The following ESD variants were observed in gnomAD, a reference collection of about 807,000 sequenced individuals.
ESD encodes the protein esterase D, also known as S-formylglutathione hydrolase.
In ESD, 34 loss-of-function variants were observed where a neutral mutation model predicts 38.1. The observed-to-expected ratio is 0.89, with a 90% CI of 0.68 to 1.19. The LOEUF is 1.19. ESD is among the 50% of genes most tolerant of loss of function. The pLI is 0.00. For missense variants in ESD, 334 were observed against 327.2 expected, an observed-to-expected ratio of 1.02 and a Z score of -0.16; for synonymous variants, 97 against 107.0, an observed-to-expected ratio of 0.91 and a Z score of 0.58.
intron 6 of ESD, among the ~76,000 whole-genome samples, chr13:46,781,870 C>T (rs935664670): frequency 6.6e-6 from 1 of 151,724 alleles, no homozygotes; most frequent in Admixed American, 6.6e-5. Flanking sequence ...CTTTAAAATG[C>T]TTTTAAGTTT....
chr13:46,775,063 A>C (rs867535542), intron 9 of ESD, among the ~76,000 whole-genome samples: 9 of 152,156 alleles, frequency 5.9e-5, no homozygotes, highest in Middle Eastern at 3.4e-3. Context: ...TAGGTCACTA[A>C]ATTTTTTTTT....
At chr13:46,774,334 T>C (rs1392625964) in intron 9 of ESD, among the ~76,000 whole-genome samples, 1 of 152,142 alleles carries the variant, frequency 6.6e-6, no homozygotes, top group Non-Finnish European at 1.5e-5. Flanking sequence ...AAAAAGGCAA[T>C]AGAATACATT....
chr13:46,775,361 G>T, intron 9 of ESD: 1 of 192,554 alleles, frequency 5.2e-6, no homozygotes, highest in South Asian at 9.0e-5. Context: ...GTAAAAGAAT[G>T]AAGTTGAGTA....
At position 46,781,610 on chromosome 13, in the gene ESD, G is replaced by C; in HGVS notation, c.387C>G (p.Pro129=). 1.9e-6 allele frequency: 3 copies of C among 1,606,428 alleles called. No individual in the cohort carries two copies. Among genetic ancestry groups the C allele is most frequent in the Non-Finnish European group, 2.6e-6 (3 of 1,175,040 alleles). ...RMYSYVTEEL[P]QLINANFPVD... is the part of the protein sequence containing the mutation. ...CTGGAAAATTGGCATTTATGAGTTG[G>C]GGAAGCTAGAAAAAATTTAATAGTG... The change falls in exon 7 of 10, where the codon CCC becomes CCG. Residue 129 remains proline (P), a synonymous_variant. Coordinates refer to ENST00000378720, the MANE Select transcript of ESD (RefSeq NM_001984.2).
At chr13:46,776,391 T>A (rs536183102) in intron 9 of ESD, 1 of 152,288 alleles carries the variant, frequency 6.6e-6, no homozygotes, top group Non-Finnish European at 1.5e-5. Context: ...CTAGCTCTAA[T>A]TCCATTCCTT....
intron 8 of ESD, among the ~76,000 whole-genome samples, chr13:46,777,835 T>A (rs1874859148): frequency 6.6e-6 from 1 of 151,846 alleles, no homozygotes; most frequent in Non-Finnish European, 1.5e-5. Context: ...CTTCCCTACT[T>A]TCAAGCAGTC....
At chr13:46,796,388 T>C (rs1237481522) in intron 1 of ESD, among the ~76,000 whole-genome samples, 1 of 152,130 alleles carries the variant, frequency 6.6e-6, no homozygotes, top group African/African-American at 2.4e-5. Flanking sequence ...ATTAAATGAG[T>C]TAATTCACGT....
intron 1 of ESD, among the ~76,000 whole-genome samples, chr13:46,794,496 AT>A (rs34614621): frequency 0.12 from 17,552 of 148,724 alleles, 1,354 homozygotes; most frequent in East Asian, 0.4. Flanking sequence ...ACACTGGAAT[AT>A]TTTTTTTTTT....
At chr13:46,774,686 T>C (rs1390217772) in intron 9 of ESD, among the ~76,000 whole-genome samples, 2 of 152,214 alleles carry the variant, frequency 1.3e-5, no homozygotes, top group Non-Finnish European at 2.9e-5. Context: ...TGGATGTTTA[T>C]CCTAACAGGC....
chr13:46,796,868 C>T (rs958176335), intron 1 of ESD, among the ~76,000 whole-genome samples: 1 of 152,266 alleles, frequency 6.6e-6, no homozygotes, highest in African/African-American at 2.4e-5. Context: ...CCGGGTTACA[C>T]TAGGTTGGAG....
chr13:46,784,815 A>G (rs1030717170), intron 4 of ESD, among the ~76,000 whole-genome samples: 3 of 152,098 alleles, frequency 2.0e-5, no homozygotes, highest in East Asian at 1.9e-4. Context: ...AATCACTACT[A>G]AAGTTTCAAT....
chr13:46,795,615 G>C (rs528817082), intron 1 of ESD, among the ~76,000 whole-genome samples: 216 of 152,190 alleles, frequency 1.4e-3, no homozygotes, highest in Non-Finnish European at 2.5e-3. Context: ...CATGTTAATT[G>C]TACAATTTTC....
At chr13:46,794,157 C>CAAAA (rs59985081) in intron 1 of ESD, among the ~76,000 whole-genome samples, 19 of 146,330 alleles carry the variant, frequency 1.3e-4, no homozygotes, top group East Asian at 2.2e-4. Context: ...CCTTCCCCTC[C>CAAAA]AAAAAACAAC....
chr13:46,785,823 T>G (rs1050619382), intron 4 of ESD: 2 of 151,984 alleles, frequency 1.3e-5, no homozygotes, highest in Non-Finnish European at 2.9e-5. Flanking sequence ...GCCCTATTAT[T>G]AGAGTACCTA....
In ESD at chr13:46,781,534, C is replaced by T; in HGVS notation, c.463G>A (p.Ala155Thr). ...GGATTTTTCAAAGCACAGATCAGAG[C>T]TCCATGACCTCCCATGGAGTGGCCA... is the stretch of plus-strand genomic sequence containing the variant. ...IFGHSMGGHG[A>T]LICALKNPGK... The change falls in exon 7 of 10, where the codon GCT becomes ACT. Residue 155 changes from alanine (A) to threonine (T), a missense_variant. Physicochemically the swap from Ala to Thr is moderately conservative, Grantham distance 58 (BLOSUM62 0). Coordinates refer to ENST00000378720, the MANE Select transcript of ESD (RefSeq NM_001984.2). The T allele has an allele frequency of 1.2e-6, 2 of 1,608,556 alleles. No individual in the cohort carries two copies. Among genetic ancestry groups the T allele is most frequent in the South Asian group, 2.2e-5 (2 of 90,730 alleles).
intron 4 of ESD, 82 bp from the exon 5 acceptor site, chr13:46,784,432 G>T: frequency 1.1e-6 from 1 of 908,058 alleles, no homozygotes; most frequent in Admixed American, 2.1e-5. Flanking sequence ...TAGAGCAGGG[G>T]GAGACGGAGA....
intron 4 of ESD, among the ~76,000 whole-genome samples, chr13:46,785,006 G>A (rs1875141444): frequency 6.6e-6 from 1 of 151,906 alleles, no homozygotes; most frequent in African/African-American, 2.4e-5. Flanking sequence ...CAAATACTAT[G>A]GTCTTCATAA....
At chr13:46,775,043 T>C (rs1217737311) in intron 9 of ESD, among the ~76,000 whole-genome samples, 1 of 152,150 alleles carries the variant, frequency 6.6e-6, no homozygotes, top group East Asian at 1.9e-4. Flanking sequence ...TGGAAACTTC[T>C]TCACAGTATT....
At chr13:46,790,378 G>A (rs1875353770) in intron 3 of ESD, among the ~76,000 whole-genome samples, 1 of 152,176 alleles carries the variant, frequency 6.6e-6, no homozygotes, top group African/African-American at 2.4e-5. Context: ...TTACTTTGTT[G>A]GCAAATCTCA....
Sources: gnomAD v4.1 joint callset for allele counts (sites outside exome capture counted in the v4.1 genomes callset) on GRCh38, gnomAD v4.1.1 for gene constraint, MANE v1.5 for transcripts, NCBI Gene and HGNC (gene_info 2026-07-23, HGNC 2026-07-21) for gene names.